CACNA2D3: variants seen among roughly 807,000 people sequenced by gnomAD.
CACNA2D3 encodes the protein voltage-dependent calcium channel subunit alpha-2/delta-3.
In CACNA2D3, 60 loss-of-function variants were observed where a neutral mutation model predicts 160.6. The observed-to-expected ratio is 0.37, with a 90% CI of 0.30 to 0.46. The LOEUF (loss-of-function observed/expected upper bound fraction) is 0.46, where lower values mean the gene tolerates loss of function less well. CACNA2D3 is among the 20% of genes least tolerant of loss of function. CACNA2D3 has a pLI of 1.00. For missense variants in CACNA2D3, 1,205 were observed against 1,365.0 expected (o/e 0.88, Z 1.85); for synonymous variants, 558 against 492.9 (o/e 1.13, Z -1.75).
intron 35 of CACNA2D3, among the ~76,000 whole-genome samples, chr3:55,031,344 C>T (rs765795603): frequency 6.6e-6 from 1 of 152,134 alleles, no homozygotes; most frequent in Non-Finnish European, 1.5e-5. Flanking sequence ...TTTATTAACT[C>T]TCCAGCTTGC....
chr3:54,816,804 T>C (rs755163794), intron 13 of CACNA2D3, 49 bp from the exon 14 acceptor site: 3 of 1,605,184 alleles, frequency 1.9e-6, no homozygotes, highest in Middle Eastern at 1.6e-4. Context: ...ATTACTTATA[T>C]AATGATCAAC....
intron 11 of CACNA2D3, among the ~76,000 whole-genome samples, chr3:54,653,068 C>G (rs1415745479): frequency 6.6e-6 from 1 of 152,076 alleles, no homozygotes; most frequent in Non-Finnish European, 1.5e-5. Context: ...CAGGCATGAG[C>G]CACCGTGCCG....
chr3:54,830,493 G>C (rs1703850683), intron 14 of CACNA2D3, among the ~76,000 whole-genome samples: 1 of 150,118 alleles, frequency 6.7e-6, no homozygotes, highest in Non-Finnish European at 1.5e-5. Context: ...CTGCAGTCCA[G>C]GCTGTTGCAC....
chr3:54,967,345 A>G (rs1282803034), intron 27 of CACNA2D3, among the ~76,000 whole-genome samples: 1 of 152,236 alleles, frequency 6.6e-6, no homozygotes, highest in African/African-American at 2.4e-5. Context: ...TGGGAGGTCC[A>G]GTATAGTGGC....
intron 8 of CACNA2D3, among the ~76,000 whole-genome samples, chr3:54,576,864 T>C (rs138896252): frequency 2.3e-4 from 35 of 152,206 alleles, no homozygotes; most frequent in Admixed American, 1.2e-3. Flanking sequence ...GGAGACCTTG[T>C]TGCTACAAAT....
intron 11 of CACNA2D3, among the ~76,000 whole-genome samples, chr3:54,697,924 CT>C (rs540806218): frequency 1.1e-3 from 164 of 152,202 alleles, no homozygotes; most frequent in Non-Finnish European, 2.2e-3. Flanking sequence ...GCATGGTAAT[CT>C]TCACTGTTGG....
intron 27 of CACNA2D3, among the ~76,000 whole-genome samples, chr3:54,927,469 G>A (rs1409927627): frequency 6.6e-6 from 1 of 152,122 alleles, no homozygotes. Context: ...TTAGCTGTGG[G>A]GCTCAAGCAT....
intron 4 of CACNA2D3, among the ~76,000 whole-genome samples, chr3:54,420,225 C>T (rs1470555123): frequency 1.3e-5 from 2 of 152,158 alleles, no homozygotes; most frequent in African/African-American, 4.8e-5. Context: ...GCTGGGTCTA[C>T]AGGCACACGC....
chr3:54,299,748 G>A (rs1268192111), intron 2 of CACNA2D3, among the ~76,000 whole-genome samples: 1 of 152,148 alleles, frequency 6.6e-6, no homozygotes, highest in Non-Finnish European at 1.5e-5. Flanking sequence ...CCGGGGAAAA[G>A]GATTAACAAA....
chr3:55,007,249 T>A (rs968741095), intron 32 of CACNA2D3, among the ~76,000 whole-genome samples: 2 of 152,190 alleles, frequency 1.3e-5, no homozygotes, highest in Non-Finnish European at 2.9e-5. Flanking sequence ...GTTTATATGG[T>A]TATCATTTTC....
intron 35 of CACNA2D3, among the ~76,000 whole-genome samples, chr3:55,034,867 G>A (rs1207590513): frequency 6.6e-6 from 1 of 152,042 alleles, no homozygotes; most frequent in African/African-American, 2.4e-5. Context: ...GTGTATTTAT[G>A]TAGTGACTCT....
At chr3:55,074,053 G>GGAAAGTTGAAGGTGTCCTGGAGTCT in intron 37 of CACNA2D3, 61 bp from the exon 38 acceptor site, 1 of 1,396,836 alleles carries the variant, frequency 7.2e-7, no homozygotes, top group Admixed American at 1.7e-5. Flanking sequence ...AGAGGTCTGG[G>GGAAAGTTGAAGGTGTCCTGGAGTCT]GAAAGTTGAA....
chr3:54,640,160 G>A (rs1699484126), intron 10 of CACNA2D3, among the ~76,000 whole-genome samples: 1 of 152,216 alleles, frequency 6.6e-6, no homozygotes, highest in Non-Finnish European at 1.5e-5. Context: ...GTACGTGCAT[G>A]TCATAGGGGA....
chr3:54,542,349 C>T (rs989868154), intron 5 of CACNA2D3, among the ~76,000 whole-genome samples: 19 of 152,062 alleles, frequency 1.2e-4, no homozygotes, highest in Non-Finnish European at 2.5e-4. Flanking sequence ...TGTGAGCCAC[C>T]ACACCCAGCC....
chr3:54,167,281 G>A (rs1325597882), intron 2 of CACNA2D3, among the ~76,000 whole-genome samples: 1 of 152,192 alleles, frequency 6.6e-6, no homozygotes, highest in Non-Finnish European at 1.5e-5. Context: ...TCTCAGTCAA[G>A]CCATGTTCAA....
chr3:55,015,768 G>T (rs1466526189), intron 34 of CACNA2D3, among the ~76,000 whole-genome samples: 2 of 152,144 alleles, frequency 1.3e-5, no homozygotes, highest in African/African-American at 2.4e-5. Flanking sequence ...AAGGAGAGGA[G>T]AGCAAATGAG....
At chr3:54,898,105 T>C (rs1022569576) in intron 26 of CACNA2D3, among the ~76,000 whole-genome samples, 6 of 149,218 alleles carry the variant, frequency 4.0e-5, no homozygotes, top group African/African-American at 9.8e-5. Flanking sequence ...TTCCTTCCTT[T>C]CTTTCTTTTT....
At chr3:54,901,459 T>A (rs1700330871) in intron 27 of CACNA2D3, among the ~76,000 whole-genome samples, 1 of 152,198 alleles carries the variant, frequency 6.6e-6, no homozygotes, top group African/African-American at 2.4e-5. Flanking sequence ...GGTCTGAGCC[T>A]GAACACTGTG....
chr3:54,414,549 T>A (rs1699723391), intron 4 of CACNA2D3, among the ~76,000 whole-genome samples: 1 of 152,132 alleles, frequency 6.6e-6, no homozygotes, highest in African/African-American at 2.4e-5. Flanking sequence ...AGTGACCCTC[T>A]TTTTTTCTTT....
Sources: allele counts gnomAD v4.1 joint callset (sites outside exome capture counted in the v4.1 genomes callset), GRCh38; gene constraint gnomAD v4.1.1; transcripts MANE v1.5; gene names NCBI Gene and HGNC (gene_info 2026-07-23, HGNC 2026-07-21).